NOL4: variants seen among roughly 807,000 people sequenced by gnomAD.
The protein encoded by NOL4 is nucleolar protein 4, also known as cancer/testis antigen 125.
Under a neutral mutation model 75.9 loss-of-function variants are expected in NOL4, and 17 were observed. That is an observed-to-expected ratio of 0.22 (90% CI 0.15 to 0.34). The LOEUF (loss-of-function observed/expected upper bound fraction) is 0.34. Among genes scored for constraint, NOL4 ranks in the 10% least tolerant of loss-of-function variants. The pLI is 1.00. For missense variants in NOL4, 614 were observed against 793.5 expected (o/e 0.77, Z 2.72); for synonymous variants, 292 against 289.9 (o/e 1.01, Z -0.07).
intron 8 of NOL4, among the ~76,000 whole-genome samples, chr18:33,953,268 T>G (rs902374279): frequency 9.1e-6 from 1 of 110,164 alleles, no homozygotes; most frequent in Non-Finnish European, 2.2e-5. Context: ...ACATTCATTT[T>G]TTCTACCTAA....
intron 5 of NOL4, among the ~76,000 whole-genome samples, chr18:34,085,931 A>G (rs1225981657): frequency 3.3e-5 from 5 of 152,074 alleles, no homozygotes; most frequent in Non-Finnish European, 7.4e-5. Flanking sequence ...TAATAATCAA[A>G]ATCTCCTCCA....
chr18:33,990,930 T>A (rs879596629), intron 6 of NOL4, among the ~76,000 whole-genome samples: 22 of 151,968 alleles, frequency 1.4e-4, no homozygotes, highest in Non-Finnish European at 2.2e-4. Flanking sequence ...AATGCTTTTT[T>A]AAAAATACAA....
At chr18:33,976,963 T>A (rs2071536550) in intron 6 of NOL4, among the ~76,000 whole-genome samples, 1 of 152,170 alleles carries the variant, frequency 6.6e-6, no homozygotes, top group Non-Finnish European at 1.5e-5. Context: ...CATCTATTTT[T>A]GCACTACTCT....
At chr18:34,140,514 T>C (rs556010640) in intron 1 of NOL4, among the ~76,000 whole-genome samples, 50 of 152,268 alleles carry the variant, frequency 3.3e-4, no homozygotes, top group Admixed American at 2.9e-3. Context: ...CTGCCTTTTT[T>C]TGTTTTCCAT....
chr18:34,139,097 T>A (rs751290648), intron 1 of NOL4, among the ~76,000 whole-genome samples: 24 of 152,188 alleles, frequency 1.6e-4, no homozygotes, highest in Non-Finnish European at 3.4e-4. Context: ...TATTGAGGAT[T>A]TTTGCATCGA....
chr18:34,219,934 G>A (rs1262266460), intron 1 of NOL4, among the ~76,000 whole-genome samples: 1 of 152,186 alleles, frequency 6.6e-6, no homozygotes, highest in Admixed American at 6.5e-5. Flanking sequence ...AAACATCAGT[G>A]GCAGATATGT....
chr18:34,203,717 T>TCACACACACACA (rs60755450), intron 1 of NOL4, among the ~76,000 whole-genome samples: 827 of 72,294 alleles, frequency 0.011, 14 homozygotes, highest in Non-Finnish European at 0.014. Context: ...TCTCTCTCTC[T>TCACACACACACA]CACACACACA....
At chr18:34,209,525 A>T (rs2036367987) in intron 1 of NOL4, among the ~76,000 whole-genome samples, 1 of 152,140 alleles carries the variant, frequency 6.6e-6, no homozygotes, top group African/African-American at 2.4e-5. Context: ...ATTCTAAGCG[A>T]GTCAGGTTAT....
Position 34,223,482 on chromosome 18 carries a change from G to C in NOL4, c.-229C>G. ...AGTCTGGTCCATTCGTAATTGCAAC[G>C]GCTGTCTCGGACGTTTTTCCTGTTC... On this transcript the variant is annotated 5_prime_UTR_variant, in exon 1 of 11. Coordinates refer to ENST00000261592, the MANE Select transcript of NOL4 (RefSeq NM_003787.5). 1 of 597,196 alleles carries C rather than the reference G, an allele frequency of 1.7e-6. No homozygotes were observed. The highest frequency in any genetic ancestry group is 2.9e-6 in the Non-Finnish European group (1 of 341,642). 37.0% of individuals were successfully genotyped at this position (597,196 alleles called of 1,614,324 possible).
At chr18:33,959,332 C>T (rs1180310459) in intron 6 of NOL4, among the ~76,000 whole-genome samples, 1 of 152,056 alleles carries the variant, frequency 6.6e-6, no homozygotes, top group Non-Finnish European at 1.5e-5. Flanking sequence ...TGGCTTTGAT[C>T]ACTTTTCATT....
At chr18:33,921,299 G>A (rs2067021551) in intron 9 of NOL4, among the ~76,000 whole-genome samples, 1 of 152,142 alleles carries the variant, frequency 6.6e-6, no homozygotes, top group Non-Finnish European at 1.5e-5. Flanking sequence ...TAGAGTTGAT[G>A]CTGGATGAAT....
At chr18:34,036,874 G>A (rs1255506152) in intron 5 of NOL4, among the ~76,000 whole-genome samples, 2 of 152,216 alleles carry the variant, frequency 1.3e-5, no homozygotes, top group South Asian at 4.1e-4. Context: ...GGAGATTGCA[G>A]TTAGCCAAGA....
At chr18:33,863,237 C>G (rs1229794678) in intron 10 of NOL4, among the ~76,000 whole-genome samples, 1 of 151,506 alleles carries the variant, frequency 6.6e-6, no homozygotes, top group African/African-American at 2.4e-5. Context: ...CACATGGACA[C>G]AGGTACGGTA....
intron 1 of NOL4, among the ~76,000 whole-genome samples, chr18:34,141,444 C>T (rs1179268899): frequency 6.6e-6 from 1 of 152,156 alleles, no homozygotes; most frequent in Non-Finnish European, 1.5e-5. Context: ...TACTATAAGG[C>T]TACAGTAACC....
At chr18:33,990,188 A>G (rs1190068938) in intron 6 of NOL4, among the ~76,000 whole-genome samples, 2 of 152,108 alleles carry the variant, frequency 1.3e-5, no homozygotes, top group African/African-American at 4.8e-5. Context: ...AGTGACAGCA[A>G]AACAACTTTA....
chr18:33,883,383 C>G lies in NOL4; in HGVS notation c.1584G>C (p.Ala528=). ...APADKQCKPE[A]TQATYSTSAV... ...CTGATGTTGAGTAAGTGGCCTGGGT[C>G]GCCTCTGGTTTACACTGTTTGTCAG... The change falls in exon 10 of 11, where the codon GCG becomes GCC. Residue 528 remains alanine (A), a synonymous_variant. Coordinates refer to ENST00000261592, the MANE Select transcript of NOL4 (RefSeq NM_003787.5). 1 of 1,612,494 alleles carries G rather than the reference C, an allele frequency of 6.2e-7. No individual in the cohort carries two copies. The highest frequency in any genetic ancestry group is 2.2e-5 in the East Asian group (1 of 44,788).
chr18:34,019,155 T>C (rs1379136876), intron 6 of NOL4, among the ~76,000 whole-genome samples, 163 bp downstream of exon 6: 1 of 152,200 alleles, frequency 6.6e-6, no homozygotes. Context: ...AATCATATGT[T>C]ATAAACACAC....
At chr18:33,940,612 G>A (rs1468353368) in intron 9 of NOL4, among the ~76,000 whole-genome samples, 9 of 151,870 alleles carry the variant, frequency 5.9e-5, no homozygotes, top group Admixed American at 5.9e-4. Context: ...ATGGGTTGAT[G>A]GGTGAAGCAA....
At chr18:33,931,494 G>A (rs1167954369) in intron 9 of NOL4, among the ~76,000 whole-genome samples, 1 of 152,090 alleles carries the variant, frequency 6.6e-6, no homozygotes, top group Non-Finnish European at 1.5e-5. Context: ...ACTTTGGGAG[G>A]CCGAAGTTGG....
Sources: gnomAD v4.1 joint callset for allele counts (sites outside exome capture counted in the v4.1 genomes callset) on GRCh38, gnomAD v4.1.1 for gene constraint, MANE v1.5 for transcripts, NCBI Gene and HGNC (gene_info 2026-07-23, HGNC 2026-07-21) for gene names.